Variants in MLIP observed in about 807,000 individuals in gnomAD.
MLIP encodes muscular LMNA-interacting protein.
A neutral mutation model predicts 84.8 loss-of-function variants in MLIP; 79 were observed. The observed-to-expected ratio is 0.93, with a 90% CI of 0.78 to 1.12. MLIP has a LOEUF of 1.12. MLIP is among the 50% of genes most tolerant of loss of function. The pLI, the probability that MLIP is intolerant of heterozygous loss-of-function variation, is 0.00. For missense variants in MLIP, 1,257 were observed against 1,160.6 expected (o/e 1.08, Z -1.21); for synonymous variants, 504 against 463.0 (o/e 1.09, Z -1.14).
At chr6:54,134,958 C>G (rs1262851469) in intron 3 of MLIP, among the ~76,000 whole-genome samples, 1 of 151,588 alleles carries the variant, frequency 6.6e-6, no homozygotes, top group Non-Finnish European at 1.5e-5. Context: ...TCATAGGAAA[C>G]AATTAGAGAA....
intron 12 of MLIP, among the ~76,000 whole-genome samples, chr6:54,246,854 A>G (rs1782118525): frequency 6.6e-6 from 1 of 152,060 alleles, no homozygotes; most frequent in African/African-American, 2.4e-5. Flanking sequence ...CATCACATAG[A>G]TAGTGTTCAA....
intron 9 of MLIP, among the ~76,000 whole-genome samples, chr6:54,184,352 G>C (rs926654296): frequency 1.3e-5 from 2 of 152,136 alleles, no homozygotes; most frequent in African/African-American, 4.8e-5. Flanking sequence ...AGAAAGAAAA[G>C]GCAACTGTTT....
At chr6:54,195,384 T>C (rs146350565) in intron 10 of MLIP, among the ~76,000 whole-genome samples, 4 of 152,226 alleles carry the variant, frequency 2.6e-5, no homozygotes, top group East Asian at 3.9e-4. Context: ...CTTATTACTA[T>C]AGTCAAAGGC....
At chr6:54,076,478 A>C (rs907703913) in intron 1 of MLIP, among the ~76,000 whole-genome samples, 4 of 152,200 alleles carry the variant, frequency 2.6e-5, no homozygotes, top group African/African-American at 9.6e-5. Context: ...TGGAAAGACT[A>C]CTGGACCTGT....
At chr6:54,191,107 A>C (rs1777881949) in intron 10 of MLIP, among the ~76,000 whole-genome samples, 1 of 152,030 alleles carries the variant, frequency 6.6e-6, no homozygotes, top group Non-Finnish European at 1.5e-5. Flanking sequence ...AGATTTTCTT[A>C]ATATCTTTGG....
At chr6:54,195,763 C>A (rs961158734) in intron 10 of MLIP, among the ~76,000 whole-genome samples, 4 of 152,002 alleles carry the variant, frequency 2.6e-5, no homozygotes, top group Non-Finnish European at 5.9e-5. Context: ...TTTTTTCTGT[C>A]CCCAAGACTA....
Position 54,103,725 on chromosome 6 carries a change from G to T in MLIP, c.64-17722G>T, listed in dbSNP as rs116542269. On this transcript the variant is annotated intron_variant, in intron 1 of 12. Coordinates refer to the MLIP transcript ENST00000274897. ...TATTTCTATAAAGTACAAATGAAAA[G>T]AAATGAAGCACTAAGATTAAATATG... Among the ~76,000 whole-genome samples, 1,313 of 152,210 alleles carry T rather than the reference G, an allele frequency of 8.6e-3. 30 individuals carry two copies. Among genetic ancestry groups the T allele is most frequent in the African/African-American group, 0.03 (1,251 of 41,520 alleles).
At chr6:54,208,602 T>G (rs1290777337) in intron 11 of MLIP, among the ~76,000 whole-genome samples, 3 of 152,174 alleles carry the variant, frequency 2.0e-5, no homozygotes, top group Non-Finnish European at 4.4e-5. Context: ...AAAATTTTTT[T>G]GTTTGTAAGG....
At chr6:54,106,715 A>G (rs1242540031), upstream of MLIP, among the ~76,000 whole-genome samples, 1 of 152,198 alleles carries the variant, frequency 6.6e-6, no homozygotes, top group Admixed American at 6.5e-5. Context: ...GTGGGGAACA[A>G]CTTCAAAAGA....
intron 1 of MLIP, among the ~76,000 whole-genome samples, chr6:54,057,414 C>G (rs1227288703): frequency 3.9e-5 from 6 of 152,192 alleles, no homozygotes; most frequent in African/African-American, 1.4e-4. Context: ...AAATTCACAA[C>G]AAACTATCTT....
At chr6:54,048,323 A>T (rs1420542033) in intron 1 of MLIP, among the ~76,000 whole-genome samples, 2 of 152,230 alleles carry the variant, frequency 1.3e-5, no homozygotes, top group Non-Finnish European at 2.9e-5. Context: ...TGCTGAAATC[A>T]TTATGGAAAA....
rs369959294 is a variant in MLIP, at chr6:54,068,676, A to G, written c.63+49585A>G. 8.9e-5 allele frequency among the ~76,000 whole-genome samples: 9 copies of G among 101,530 alleles called. 2 individuals carry two copies. Among genetic ancestry groups the G allele is most frequent in the African/African-American group, 2.3e-4 (9 of 39,528 alleles). 66.6% of individuals were successfully genotyped at this position (101,530 alleles called of 152,430 possible). Reference sequence around the variant, plus strand: ...CTTTCTGTCAGACACTTTAAACAACAGTCTTAAGCACTTTGAATGTATTTT... The same window carrying G: ...CTTTCTGTCAGACACTTTAAACAACGGTCTTAAGCACTTTGAATGTATTTT... On this transcript the variant is annotated intron_variant, in intron 1 of 12. Transcript: ENST00000274897.
At position 54,147,171 on chromosome 6, in the gene MLIP, G is replaced by A. The variant is rs553058880; in HGVS notation, c.2218-1885G>A. Among the ~76,000 whole-genome samples the A allele has an allele frequency of 1.2e-4, 19 of 152,226 alleles. No homozygotes were observed. In the South Asian group the frequency reaches 3.9e-3, roughly 32 times the overall value. On this transcript the variant is annotated intron_variant, in intron 4 of 13. Coordinates refer to ENST00000502396, the MANE Select transcript of MLIP (RefSeq NM_001281747.2). ...TGGTATATTTTATTCTGCATTACAT[G>A]TAGGCTTAGGTATTCTTTGGAAGAA...
At chr6:54,176,199 C>G (rs939256792) in intron 9 of MLIP, among the ~76,000 whole-genome samples, 1 of 151,070 alleles carries the variant, frequency 6.6e-6, no homozygotes, top group Non-Finnish European at 1.5e-5. Context: ...CTTAGTTTGA[C>G]GTATCTTTCT....
At chr6:54,228,212 A>G (rs1452552598) in intron 11 of MLIP, among the ~76,000 whole-genome samples, 33 of 125,644 alleles carry the variant, frequency 2.6e-4, no homozygotes, top group Non-Finnish European at 4.5e-4. Flanking sequence ...AAAAAAAAAA[A>G]AAGAGAAAGA....
At chr6:54,121,705 A>C (rs2145754) in intron 2 of MLIP, 103 bp downstream of exon 2, 8 of 842,138 alleles carry the variant, frequency 9.5e-6, no homozygotes, top group Non-Finnish European at 1.2e-5. Flanking sequence ...AATTAAGGTG[A>C]CTGTGACTCT....
chr6:54,050,538 C>T (rs1394664726), intron 1 of MLIP, among the ~76,000 whole-genome samples: 1 of 151,984 alleles, frequency 6.6e-6, no homozygotes, highest in Admixed American at 6.6e-5. Context: ...GGATATTATC[C>T]TTATTTGACA....
intron 3 of MLIP, among the ~76,000 whole-genome samples, chr6:54,127,957 T>C (rs1771062028): frequency 6.6e-6 from 1 of 152,136 alleles, no homozygotes; most frequent in African/African-American, 2.4e-5. Context: ...TGAATACACA[T>C]ACAACACAGT....
intron 11 of MLIP, among the ~76,000 whole-genome samples, chr6:54,220,654 C>T (rs1019490265): frequency 2.0e-5 from 3 of 150,644 alleles, no homozygotes; most frequent in African/African-American, 7.3e-5. Context: ...AAAATATTCT[C>T]AGTTTATAAC....
Sources: gnomAD v4.1 joint callset for allele counts (sites outside exome capture counted in the v4.1 genomes callset) on GRCh38, gnomAD v4.1.1 for gene constraint, MANE v1.5 for transcripts, NCBI Gene and HGNC (gene_info 2026-07-23, HGNC 2026-07-21) for gene names.